Variants in KCNK9 observed in about 807,000 individuals in gnomAD.
The protein encoded by KCNK9 is potassium two pore domain channel subfamily K member 9.
A neutral mutation model predicts 10.8 loss-of-function variants in KCNK9; 1 was observed. The observed-to-expected ratio is 0.09, with a 90% CI of 0.03 to 0.44. The LOEUF (loss-of-function observed/expected upper bound fraction) is 0.44. KCNK9 is among the 20% of genes least tolerant of loss of function. The pLI is 0.97. For synonymous variants in KCNK9, 231 were observed against 222.7 expected, an observed-to-expected ratio of 1.04 and a Z score of -0.33; for missense variants, 303 against 515.0, an observed-to-expected ratio of 0.59 and a Z score of 3.98.
intron 1 of KCNK9, among the ~76,000 whole-genome samples, chr8:139,663,648 C>CGTGTGTGT (rs34660685): frequency 0.037 from 5,110 of 137,518 alleles, 204 homozygotes; most frequent in East Asian, 0.23. Context: ...CGCGTGCGCA[C>CGTGTGTGT]GTGTGTGTGT....
At chr8:139,666,848 T>C (rs1816314850) in intron 1 of KCNK9, among the ~76,000 whole-genome samples, 1 of 152,254 alleles carries the variant, frequency 6.6e-6, no homozygotes, top group Admixed American at 6.5e-5. Flanking sequence ...TTAAGGCACC[T>C]GCCCCCTTCA....
chr8:139,625,768 G>T (rs1049966827), intron 1 of KCNK9, among the ~76,000 whole-genome samples: 1 of 151,784 alleles, frequency 6.6e-6, no homozygotes, highest in Non-Finnish European at 1.5e-5. Flanking sequence ...TCCCAGAGGG[G>T]AGAGAGGCAG....
At chr8:139,672,921 G>A (rs565282560) in intron 1 of KCNK9, among the ~76,000 whole-genome samples, 7 of 152,334 alleles carry the variant, frequency 4.6e-5, no homozygotes, top group Non-Finnish European at 7.4e-5. Context: ...AAGGCACTGC[G>A]CCAGGCGGGA....
chr8:139,699,190 A>C (rs1817137500), intron 1 of KCNK9, among the ~76,000 whole-genome samples: 1 of 152,230 alleles, frequency 6.6e-6, no homozygotes, highest in Non-Finnish European at 1.5e-5. Context: ...ATAACAGCTC[A>C]GGTCACAGAT....
intron 1 of KCNK9, among the ~76,000 whole-genome samples, chr8:139,694,603 G>A (rs1241857980): frequency 1.3e-5 from 2 of 152,216 alleles, no homozygotes; most frequent in Non-Finnish European, 2.9e-5. Flanking sequence ...TTCATTGGAT[G>A]GCTGGCCATG....
chr8:139,663,182 T>G (rs1816208016), intron 1 of KCNK9, among the ~76,000 whole-genome samples: 1 of 151,998 alleles, frequency 6.6e-6, no homozygotes, highest in South Asian at 2.1e-4. Context: ...CATGCACACA[T>G]GTGCACACGC....
chr8:139,657,381 C>T (rs1276219268), intron 1 of KCNK9, among the ~76,000 whole-genome samples: 2 of 152,212 alleles, frequency 1.3e-5, no homozygotes, highest in Non-Finnish European at 2.9e-5. Context: ...CAGGAAGCTG[C>T]TTCCACCCTT....
chr8:139,659,594 C>A (rs189811130), intron 1 of KCNK9, among the ~76,000 whole-genome samples: 1 of 152,272 alleles, frequency 6.6e-6, no homozygotes, highest in East Asian at 1.9e-4. Context: ...TCACTGCAAG[C>A]TCCACCCCCC....
At chr8:139,605,756 G>A (rs968071940) in intron 2 of KCNK9, among the ~76,000 whole-genome samples, 3 of 152,158 alleles carry the variant, frequency 2.0e-5, no homozygotes, top group African/African-American at 7.2e-5. Context: ...TACCGCACTC[G>A]TTACAAAAGA....
intron 1 of KCNK9, among the ~76,000 whole-genome samples, chr8:139,676,952 AAAACAAACAAAC>A (rs200581893): frequency 6.6e-6 from 1 of 152,214 alleles, no homozygotes. Context: ...ACTGTCTCAA[AAAACAAACAAAC>A]AAACAAACAG....
At chr8:139,639,060 GC>G (rs1276749190) in intron 1 of KCNK9, among the ~76,000 whole-genome samples, 1 of 151,692 alleles carries the variant, frequency 6.6e-6, no homozygotes, top group African/African-American at 2.4e-5. Flanking sequence ...CAACCCCTGT[GC>G]CCCTCACTGC....
At chr8:139,606,454 C>T (rs188561753) in intron 2 of KCNK9, among the ~76,000 whole-genome samples, 2 of 152,238 alleles carry the variant, frequency 1.3e-5, no homozygotes, top group African/African-American at 2.4e-5. Context: ...GATGGATGCA[C>T]GAGGGTCCAT....
At position 139,681,645 on chromosome 8, in the gene KCNK9, G is replaced by A. The variant is rs573043561; in HGVS notation, c.283+21065C>T. Among the ~76,000 whole-genome samples the A allele has an allele frequency of 7.2e-5, 11 of 152,310 alleles. No individual in the cohort carries two copies. In the East Asian group the frequency reaches 1.2e-3, roughly 16 times the overall value. On this transcript the variant is annotated intron_variant, in intron 1 of 1. Transcript: ENST00000520439. ...GCTGCAGGTGGCACAGCAGCACAGC[G>A]GGCAGCAAGCTGGCTGCTCCCTCTG... is the stretch of plus-strand genomic sequence containing the variant.
intron 1 of KCNK9, among the ~76,000 whole-genome samples, chr8:139,674,699 G>A (rs74356492): frequency 0.035 from 5,370 of 152,262 alleles, 321 homozygotes; most frequent in African/African-American, 0.12. Context: ...CTGCCTACAC[G>A]TTTGTGAGAG....
chr8:139,647,838 C>A (rs1232931194), intron 1 of KCNK9, among the ~76,000 whole-genome samples: 1 of 152,178 alleles, frequency 6.6e-6, no homozygotes, highest in Non-Finnish European at 1.5e-5. Context: ...GTGGCTACCC[C>A]AGGACTGAAA....
intron 1 of KCNK9, among the ~76,000 whole-genome samples, chr8:139,669,606 T>C (rs751154168): frequency 6.6e-6 from 1 of 152,246 alleles, no homozygotes; most frequent in Non-Finnish European, 1.5e-5. Flanking sequence ...CTAATTCTAG[T>C]TCTCTTGCTA....
At chr8:139,689,864 G>A (rs1016626156) in intron 1 of KCNK9, among the ~76,000 whole-genome samples, 1 of 152,086 alleles carries the variant, frequency 6.6e-6, no homozygotes, top group Non-Finnish European at 1.5e-5. Flanking sequence ...GGATGGTCTC[G>A]ATCTCCTGAC....
chr8:139,692,687 A>G lies in KCNK9; in HGVS notation c.283+10023T>C, dbSNP rs138548883. On this transcript the variant is annotated intron_variant, in intron 1 of 1. Transcript: ENST00000520439. Reference sequence around the variant, plus strand: ...GACTCACTGGGGAACGTTCTCCCACACCCCGTGGCATCCCTGGGCTGGGCC... The same window carrying G: ...GACTCACTGGGGAACGTTCTCCCACGCCCCGTGGCATCCCTGGGCTGGGCC... Among the ~76,000 whole-genome samples the G allele has an allele frequency of 1.8e-3, 272 of 152,014 alleles. 2 individuals are homozygous for G. Among genetic ancestry groups the G allele is most frequent in the Middle Eastern group, 0.014 (4 of 294 alleles).
At chr8:139,695,653 TC>T (rs1203329495) in intron 1 of KCNK9, among the ~76,000 whole-genome samples, 2 of 152,082 alleles carry the variant, frequency 1.3e-5, no homozygotes, top group African/African-American at 4.8e-5. Flanking sequence ...AGCAGGGTGC[TC>T]CACCTGGAGG....
Sources: allele counts gnomAD v4.1 joint callset (sites outside exome capture counted in the v4.1 genomes callset), GRCh38; gene constraint gnomAD v4.1.1; transcripts MANE v1.5; gene names NCBI Gene and HGNC (gene_info 2026-07-23, HGNC 2026-07-21).